The following MEP1B variants were observed in gnomAD, a reference collection of about 807,000 sequenced individuals.
MEP1B encodes the protein N-benzoyl-L-tyrosyl-P-amino-benzoic acid hydrolase subunit beta.
MEP1B carries 80 observed loss-of-function variants against 84.6 expected under a neutral mutation model. That is an observed-to-expected ratio of 0.95 (90% CI 0.79 to 1.14). The LOEUF is 1.14. Among genes scored for constraint, MEP1B ranks in the 50% most tolerant of loss-of-function variants. MEP1B has a pLI of 0.00. For synonymous variants in MEP1B, 273 were observed against 288.1 expected (o/e 0.95, Z 0.53); for missense variants, 766 against 855.1 (o/e 0.90, Z 1.30).
chr18:32,191,896 G>T lies in MEP1B; in HGVS notation c.82+56G>T, dbSNP rs897602601. 6 of 1,067,028 alleles carry T rather than the reference G, an allele frequency of 5.6e-6. No homozygotes were observed. The Admixed American group carries it at 1.4e-4, about 25-fold the overall frequency. 66.1% of individuals were successfully genotyped at this position (1,067,028 alleles called of 1,614,324 possible). A position where few individuals can be genotyped will look rare whatever the true frequency, so the allele number is the denominator to read the frequency against. On this transcript the variant is annotated intron_variant, in intron 2 of 14. Transcript: ENST00000269202. ...ATAGAGAACCTAGGACATATTTAAT[G>T]CTAAACATCATACATAATTACATAT...
chr18:32,218,078 T>A, intron 14 of MEP1B, 113 bp downstream of exon 14: 1 of 872,752 alleles, frequency 1.1e-6, no homozygotes, highest in Non-Finnish European at 1.8e-6. Flanking sequence ...CTGTTTCCTA[T>A]GCTGGGACAA....
Position 32,218,020 on chromosome 18 carries a change from G to C in MEP1B, c.2091+55G>C, listed in dbSNP as rs1348210358. ...TAACCTATTGGTGAAATCTTATGGA[G>C]AGGAACTAGGACATTTTTTATATAC... On this transcript the variant is annotated intron_variant, in intron 14 of 14. Transcript: ENST00000269202. 6 of 1,517,928 alleles carry C rather than the reference G, an allele frequency of 4.0e-6. No individual in the cohort carries two copies. The East Asian group carries it at 1.4e-4, about 34-fold the overall frequency. 94.0% of individuals were successfully genotyped at this position (1,517,928 alleles called of 1,614,324 possible).
chr18:32,207,274 C>G lies in MEP1B; in HGVS notation c.570C>G (p.Thr190=). Residue 190 remains threonine, a synonymous_variant, in exon 8 of 15, where the codon ACC becomes ACG. Transcript: ENST00000269202. ...ILSGREHNFN[T]YSDDISDSLN... is the part of the protein sequence containing the mutation. ...TAGGCAGAGAGCACAATTTTAACACCTATAGTGACGATATATCAGATTCCC... is the reference window on the plus strand; with the variant it reads ...TAGGCAGAGAGCACAATTTTAACACGTATAGTGACGATATATCAGATTCCC... 2 of 1,611,628 alleles carry G rather than the reference C, an allele frequency of 1.2e-6. No homozygotes were observed. The highest frequency in any genetic ancestry group is 1.7e-6 in the Non-Finnish European group (2 of 1,178,192).
Position 32,196,510 on chromosome 18 carries a change from T to C in MEP1B, c.250+1025T>C, listed in dbSNP as rs972324436. ...GCTTTGCTCTCATAGACCGAGGTGA[T>C]GAGGTGGTGGCCAAGGGCCACCTTG... is the stretch of plus-strand genomic sequence containing the variant. On this transcript the variant is annotated intron_variant, in intron 5 of 14. Coordinates refer to ENST00000269202, the MANE Select transcript of MEP1B (RefSeq NM_005925.3). This position sits in a 1 kb window ranked among gnomAD's most constrained non-coding sequence, Gnocchi z 4.4. The C allele has an allele frequency of 2.9e-6, 2 of 696,316 alleles. No homozygotes were observed. Among genetic ancestry groups the C allele is most frequent in the Non-Finnish European group, 5.3e-6 (2 of 378,504 alleles). The allele number at this position is 696,316 out of a possible 1,614,324, so 43.1% of individuals were successfully genotyped here.
chr18:32,211,034 C>T (rs570933834), intron 10 of MEP1B, among the ~76,000 whole-genome samples: 6 of 152,204 alleles, frequency 3.9e-5, no homozygotes, highest in East Asian at 1.9e-4. Context: ...GAGGCCGAGG[C>T]GGTCGGATCA....
Position 32,196,628 on chromosome 18 carries a change from C to A in MEP1B, c.250+1143C>A, listed in dbSNP as rs2040858137. 6 of 715,252 alleles carry A rather than the reference C, an allele frequency of 8.4e-6. No individual in the cohort carries two copies. The Admixed American group carries it at 1.1e-4, about 13-fold the overall frequency. 44.3% of individuals were successfully genotyped at this position (715,252 alleles called of 1,614,324 possible). A position where few individuals can be genotyped will look rare whatever the true frequency, so the allele number is the denominator to read the frequency against. ...CGTACTCCATCACCCTGTGCAGCAC[C>A]CGCCTGATGTTGTCCAGCACGCCAC... On this transcript the variant is annotated intron_variant, in intron 5 of 14. Transcript: ENST00000269202. The surrounding 1 kb of genome is among the most constrained non-coding windows in gnomAD (Gnocchi z 4.4).
rs549286998 is a variant in MEP1B at position 32,192,653 on chromosome 18, T to C, written c.90T>C (p.Asp30=). 6 of 1,613,206 alleles carry C rather than the reference T, an allele frequency of 3.7e-6. No homozygotes were observed. In the African/African-American group the frequency reaches 4.0e-5, roughly 11 times the overall value. ...GLATPENFDV[D]GGMDQDIFDI... ...TTGTTGTTTTAATCAAAGATGTAGA[T>C]GGCGGAATGGACCAGGACATATTTG... Residue 30 remains aspartate (D), a synonymous_variant, in exon 3 of 15, where the codon GAT becomes GAC. Coordinates refer to ENST00000269202, the MANE Select transcript of MEP1B (RefSeq NM_005925.3).
At chr18:32,190,494 G>A (rs1184628434) in intron 1 of MEP1B, among the ~76,000 whole-genome samples, 1 of 152,128 alleles carries the variant, frequency 6.6e-6, no homozygotes, top group Non-Finnish European at 1.5e-5. Flanking sequence ...GGCACCGTCA[G>A]TACTTACAAA....
intron 7 of MEP1B, among the ~76,000 whole-genome samples, 183 bp downstream of exon 7, chr18:32,204,543 T>C (rs2040945660): frequency 6.6e-6 from 1 of 152,164 alleles, no homozygotes; most frequent in African/African-American, 2.4e-5. Flanking sequence ...CCATATGAGC[T>C]AGATATGCTC....
At chr18:32,210,769 C>T (rs2041018421) in intron 10 of MEP1B, 53 bp downstream of exon 10, 3 of 1,489,894 alleles carry the variant, frequency 2.0e-6, no homozygotes, top group Non-Finnish European at 2.8e-6. Context: ...AATCTTAGGT[C>T]TTTTCTTTAG....
chr18:32,213,696 G>T, intron 11 of MEP1B, 137 bp downstream of exon 11: 2 of 665,892 alleles, frequency 3.0e-6, no homozygotes, highest in South Asian at 1.9e-5. Context: ...ATATTTAGGG[G>T]AAAGGTTTCA....
Position 32,210,582 on chromosome 18 carries a change from C to T in MEP1B, c.1001C>T (p.Pro334Leu). ...TAVLESRTLYPKRGFQCLQFY... is the reference protein window; with the variant it reads ...TAVLESRTLYLKRGFQCLQFY... ...GTGCTGGAAAGTAGAACGCTGTACC[C>T]TAAAAGAGGATTTCAGTGCCTGCAA... The change falls in exon 10 of 15, where the codon CCT becomes CTT. Residue 334 changes from proline (P) to leucine (L), a missense_variant. By Grantham distance (98) the Pro-to-Leu change is moderately conservative. Coordinates refer to ENST00000269202, the MANE Select transcript of MEP1B (RefSeq NM_005925.3). The T allele has an allele frequency of 6.2e-7, 1 of 1,613,984 alleles. No individual in the cohort carries two copies. The highest frequency in any genetic ancestry group is 1.1e-5 in the South Asian group (1 of 91,080).
chr18:32,204,078 G>A, intron 6 of MEP1B, 104 bp from the exon 7 acceptor site: 1 of 897,884 alleles, frequency 1.1e-6, no homozygotes, highest in Middle Eastern at 3.0e-4. Context: ...GAGCAAAGGT[G>A]GGTAATGAAG....
intron 5 of MEP1B, among the ~76,000 whole-genome samples, chr18:32,200,966 G>A (rs770149768): frequency 3.3e-5 from 5 of 152,164 alleles, no homozygotes; most frequent in Admixed American, 6.5e-5. Context: ...GCCTGGCATG[G>A]TTCCAAGTGG....
At position 32,204,378 on chromosome 18, in the gene MEP1B, T is replaced by C. The variant is rs772507610; in HGVS notation, c.547+18T>C. ...TCTGTCAGGTACATTTCTCTTTTTT[T>C]CCTATGTTTTTAGTTAAGGACTGAA... On this transcript the variant is annotated intron_variant, in intron 7 of 14. Transcript: ENST00000269202. 287 of 1,558,060 alleles carry C rather than the reference T, an allele frequency of 1.8e-4. No individual in the cohort carries two copies. Among genetic ancestry groups the C allele is most frequent in the Middle Eastern group, 5.1e-4 (3 of 5,886 alleles).
intron 5 of MEP1B, among the ~76,000 whole-genome samples, chr18:32,201,804 A>C (rs754542673): frequency 6.6e-6 from 1 of 152,070 alleles, no homozygotes; most frequent in African/African-American, 2.4e-5. Flanking sequence ...CAACTTATGG[A>C]TTTTAGGGTC....
chr18:32,193,134 A>G (rs1264854527), intron 4 of MEP1B, among the ~76,000 whole-genome samples: 1 of 152,224 alleles, frequency 6.6e-6, no homozygotes, highest in Admixed American at 6.5e-5. Flanking sequence ...GACCTCACAG[A>G]TTCAATCTAG....
chr18:32,204,468 T>C (rs1402784743), intron 7 of MEP1B, 108 bp downstream of exon 7: 3 of 948,736 alleles, frequency 3.2e-6, no homozygotes, highest in African/African-American at 3.3e-5. Flanking sequence ...ACTTTGATGT[T>C]TTGATGTCTT....
At position 32,204,170 on chromosome 18, in the gene MEP1B, C is replaced by T. The variant is rs192907267; in HGVS notation, c.369-12C>T. 6.6e-4 allele frequency: 1,054 copies of T among 1,599,418 alleles called. 9 individuals carry two copies. The highest frequency in any genetic ancestry group is 4.4e-4 in the Non-Finnish European group (512 of 1,172,704). On this transcript the variant is annotated splice_polypyrimidine_tract_variant and intron_variant, in intron 6 of 14. Coordinates refer to ENST00000269202, the MANE Select transcript of MEP1B (RefSeq NM_005925.3). ...CATTCTCTTCCCCCTTTCTTGTAAACTCTCCTGTAAGCTGCTGGTCTTCAG... is the reference window on the plus strand; with the variant it reads ...CATTCTCTTCCCCCTTTCTTGTAAATTCTCCTGTAAGCTGCTGGTCTTCAG...
Sources: gnomAD v4.1 joint callset for allele counts (sites outside exome capture counted in the v4.1 genomes callset) on GRCh38, gnomAD v4.1.1 for gene constraint, Gnocchi (gnomAD v3.1) non-coding constraint, MANE v1.5 for transcripts, NCBI Gene and HGNC (gene_info 2026-07-23, HGNC 2026-07-21) for gene names.